Variants in DACH2 observed in about 807,000 individuals in gnomAD.
The protein encoded by DACH2 is dachshund homolog 2.
In DACH2, 17 loss-of-function variants were observed where a neutral mutation model predicts 35.8. That is an observed-to-expected ratio of 0.48 (90% confidence interval 0.33 to 0.71). The LOEUF (loss-of-function observed/expected upper bound fraction) is 0.71. Among genes scored for constraint, DACH2 ranks in the 30% least tolerant of loss-of-function variants. The probability of loss-of-function intolerance (pLI) is 0.02; values close to 1 mark genes in which losing one functional copy is unlikely to be tolerated. For missense variants in DACH2, 469 were observed against 472.7 expected, an observed-to-expected ratio of 0.99 and a Z score of 0.07; for synonymous variants, 195 against 177.3, an observed-to-expected ratio of 1.10 and a Z score of -0.79.
intron 6 of DACH2, among the ~76,000 whole-genome samples, chrX:86,736,731 A>G (rs1270287322): frequency 1.8e-5 from 2 of 111,392 alleles, no homozygotes; most frequent in Non-Finnish European, 3.8e-5. Context: ...TTTTTATTCC[A>G]GCAGCATACA....
rs72633157 is a variant in DACH2, at chrX:86,547,491, A to C, written c.640+33100A>C. 4.1e-4 allele frequency among the ~76,000 whole-genome samples: 43 copies of C among 105,478 alleles called. 1 individual carries two copies. Among genetic ancestry groups the C allele is most frequent in the African/African-American group, 1.1e-3 (32 of 28,895 alleles). 91.6% of individuals were successfully genotyped at this position (105,478 alleles called of 115,157 possible). On this transcript the variant is annotated intron_variant, in intron 3 of 11. Coordinates refer to ENST00000373125, the MANE Select transcript of DACH2 (RefSeq NM_053281.3). ...TTATGTTAGTATGGTGCCATTTCAC[A>C]TTTTAGAGAAAATGAAACCTAACGT...
In DACH2 at chrX:86,431,437, T is replaced by C. The variant is rs754745988; in HGVS notation, c.527+54575T>C. On this transcript the variant is annotated intron_variant, in intron 2 of 11. Coordinates refer to ENST00000373125, the MANE Select transcript of DACH2 (RefSeq NM_053281.3). Reference sequence around the variant, plus strand: ...AATTACCACAAAATTTGTCATAATATGTAGTCAGCAGTTATAGAGAAGAAT... The same window carrying C: ...AATTACCACAAAATTTGTCATAATACGTAGTCAGCAGTTATAGAGAAGAAT... Among the ~76,000 whole-genome samples the C allele has an allele frequency of 2.7e-5, 3 of 112,038 alleles. No individual in the cohort carries two copies. The East Asian group carries it at 8.4e-4, about 31-fold the overall frequency.
At chrX:86,269,133 C>T (rs938990348) in intron 1 of DACH2, among the ~76,000 whole-genome samples, 25 of 110,298 alleles carry the variant, frequency 2.3e-4, no homozygotes, top group Non-Finnish European at 3.8e-4. Flanking sequence ...CTCCCCACCC[C>T]CCAACTACCC....
At chrX:86,206,822 A>C (rs1009264307) in intron 1 of DACH2, among the ~76,000 whole-genome samples, 1 of 112,136 alleles carries the variant, frequency 8.9e-6, no homozygotes, top group African/African-American at 3.2e-5. Context: ...TGTTGCCCAC[A>C]CATGAAATCG....
At chrX:86,816,527 A>C (rs747913225) in intron 11 of DACH2, among the ~76,000 whole-genome samples, 16 of 112,148 alleles carry the variant, frequency 1.4e-4, no homozygotes, top group South Asian at 3.7e-4. Context: ...ACCTATCAAA[A>C]TTTTGAAGGT....
chrX:86,584,718 C>T (rs1249502083), intron 3 of DACH2, among the ~76,000 whole-genome samples: 1 of 110,584 alleles, frequency 9.0e-6, no homozygotes, highest in African/African-American at 3.3e-5. Flanking sequence ...ATTTTAGATT[C>T]AGGGGATATT....
intron 4 of DACH2, among the ~76,000 whole-genome samples, chrX:86,675,132 C>T (rs2040811798): frequency 9.0e-6 from 1 of 111,059 alleles, no homozygotes; most frequent in Non-Finnish European, 1.9e-5. Context: ...TAGAATTTCA[C>T]CACTTTTTTA....
At chrX:86,780,893 C>CAGT (rs1457265047) in intron 7 of DACH2, among the ~76,000 whole-genome samples, 1 of 111,191 alleles carries the variant, frequency 9.0e-6, no homozygotes, top group African/African-American at 3.3e-5. Context: ...TTGCCTTAGG[C>CAGT]AGTGCAGGGT....
chrX:86,397,624 C>T (rs1255411824), intron 2 of DACH2, among the ~76,000 whole-genome samples: 1 of 111,579 alleles, frequency 9.0e-6, no homozygotes. Flanking sequence ...TTGTCAAAGG[C>T]CTTTTCTGCA....
At chrX:86,461,747 G>C (rs974449740) in intron 2 of DACH2, among the ~76,000 whole-genome samples, 1 of 111,189 alleles carries the variant, frequency 9.0e-6, no homozygotes, top group Non-Finnish European at 1.9e-5. Flanking sequence ...TAAAAATGGA[G>C]GTTCTGTGAA....
chrX:86,667,602 A>AAGAAAG lies in DACH2; in HGVS notation c.772+16437_772+16442dup, dbSNP rs1556364346. ...AAAGAAAGAAAGAAAGAAAGAAAGA[A>AAGAAAG]AGAAAGAAAGAAAGGCAGGCAGGCC... On this transcript the variant is annotated intron_variant, in intron 4 of 11. Coordinates refer to ENST00000373125, the MANE Select transcript of DACH2 (RefSeq NM_053281.3). Among the ~76,000 whole-genome samples the AAGAAAG allele has an allele frequency of 5.5e-3, 570 of 102,817 alleles. 26 individuals carry two copies. The highest frequency in any genetic ancestry group is 0.021 in the African/African-American group (542 of 25,423). 89.3% of individuals were successfully genotyped at this position (102,817 alleles called of 115,157 possible). A position where few individuals can be genotyped will look rare whatever the true frequency, so the allele number is the denominator to read the frequency against.
chrX:86,316,481 G>T (rs2034908842), intron 1 of DACH2, among the ~76,000 whole-genome samples: 1 of 111,568 alleles, frequency 9.0e-6, no homozygotes, highest in African/African-American at 3.3e-5. Flanking sequence ...GTTAGAAAGG[G>T]AGCTATTTAT....
intron 3 of DACH2, among the ~76,000 whole-genome samples, chrX:86,584,794 G>A (rs923613003): frequency 1.8e-5 from 2 of 111,008 alleles, no homozygotes; most frequent in African/African-American, 6.5e-5. Flanking sequence ...GTACAAAATA[G>A]GTAGCTTTTC....
chrX:86,820,682 T>C (rs1209550606), intron 11 of DACH2, among the ~76,000 whole-genome samples: 2 of 111,302 alleles, frequency 1.8e-5, no homozygotes, highest in African/African-American at 6.5e-5. Flanking sequence ...ATTTAGGGCA[T>C]AAGTTAATAT....
chrX:86,539,560 C>T (rs1172525781), intron 3 of DACH2, among the ~76,000 whole-genome samples: 1 of 111,367 alleles, frequency 9.0e-6, no homozygotes, highest in African/African-American at 3.3e-5. Flanking sequence ...GCTCATGATA[C>T]TTTCTCTTTG....
intron 1 of DACH2, among the ~76,000 whole-genome samples, chrX:86,271,279 G>C (rs1053428401): frequency 7.1e-5 from 8 of 112,068 alleles, no homozygotes; most frequent in Non-Finnish European, 1.3e-4. Flanking sequence ...CAGCCTTATA[G>C]GGCAGTCCCT....
At chrX:86,283,292 T>G (rs1279689161) in intron 1 of DACH2, among the ~76,000 whole-genome samples, 1 of 111,122 alleles carries the variant, frequency 9.0e-6, no homozygotes, top group East Asian at 2.8e-4. Context: ...GGAGTTTAAA[T>G]TAATTCAACC....
chrX:86,525,510 C>A (rs1269057437), intron 3 of DACH2, among the ~76,000 whole-genome samples: 1 of 111,761 alleles, frequency 8.9e-6, no homozygotes, highest in Non-Finnish European at 1.9e-5. Flanking sequence ...TGAATGACTG[C>A]AACCTACTTT....
At chrX:86,163,272 TC>T (rs1482841619) in intron 1 of DACH2, among the ~76,000 whole-genome samples, 1 of 111,093 alleles carries the variant, frequency 9.0e-6, no homozygotes, top group Non-Finnish European at 1.9e-5. Context: ...GATTTTAAGA[TC>T]CCACAAATAA....
Sources: gnomAD v4.1 joint callset for allele counts (sites outside exome capture counted in the v4.1 genomes callset) on GRCh38, gnomAD v4.1.1 for gene constraint, MANE v1.5 for transcripts, NCBI Gene and HGNC (gene_info 2026-07-23, HGNC 2026-07-21) for gene names.